DPP9: variants seen among roughly 807,000 people sequenced by gnomAD.
DPP9 encodes dipeptidyl peptidase 9.
A neutral mutation model predicts 110.7 loss-of-function variants in DPP9; 50 were observed. The ratio of observed to expected loss-of-function variants is 0.45; its 90% CI spans 0.36 to 0.57. DPP9 has a LOEUF of 0.57. Ranked by LOEUF, DPP9 falls within the 20% of genes least tolerant of loss-of-function variation. The pLI is 0.00. For synonymous variants in DPP9, 561 were observed against 514.4 expected (o/e 1.09, Z -1.23); for missense variants, 1,022 against 1,217.9 (o/e 0.84, Z 2.39).
intron 1 of DPP9, 133 bp downstream of exon 1, chr19:4,723,541 C>T (rs111302448): frequency 0.014 from 2,225 of 153,874 alleles, 31 homozygotes; most frequent in Middle Eastern, 0.026. Flanking sequence ...GACCCACAGA[C>T]GGGTGCATGG....
chr19:4,695,210 C>G lies in DPP9; in HGVS notation c.1353+168G>C. On this transcript the variant is annotated intron_variant, in intron 12 of 21. Coordinates refer to ENST00000262960, the MANE Select transcript of DPP9 (RefSeq NM_139159.5). The surrounding 1 kb of genome is among the most constrained non-coding windows in gnomAD (Gnocchi z 4.7). Reference sequence around the variant, plus strand: ...AATGGCTGCCAGACTCACCAACCCCCCTAGACCCTCTTCCCTGCCAGCCAG... The same window carrying G: ...AATGGCTGCCAGACTCACCAACCCCGCTAGACCCTCTTCCCTGCCAGCCAG... 2.8e-6 allele frequency: 2 copies of G among 704,356 alleles called. No homozygotes were observed. Among genetic ancestry groups the G allele is most frequent in the South Asian group, 2.0e-5 (1 of 50,630 alleles). 43.6% of individuals were successfully genotyped at this position (704,356 alleles called of 1,614,324 possible).
rs931362671 is a variant in DPP9, at chr19:4,698,796, T to G, written c.1075-1145A>C. ...AGCAAAACCCCAGCCTGGAAGGAGGTTTCACGTGCATCACTGGCAAAGCCA... is the reference window on the plus strand; with the variant it reads ...AGCAAAACCCCAGCCTGGAAGGAGGGTTCACGTGCATCACTGGCAAAGCCA... On this transcript the variant is annotated intron_variant, in intron 10 of 21. Transcript: ENST00000262960. The surrounding 1 kb of genome is among the most constrained non-coding windows in gnomAD (Gnocchi z 4.2). 6.6e-6 allele frequency among the ~76,000 whole-genome samples: 1 copy of G among 150,770 alleles called. No homozygotes were observed. Among genetic ancestry groups the G allele is most frequent in the South Asian group, 2.1e-4 (1 of 4,708 alleles).
In DPP9 at chr19:4,685,136, G is replaced by A. The variant is rs1327862881; in HGVS notation, c.2032-327C>T. ...GGTGGGGCCATCTGGGCACTGCGGG[G>A]TGCTGAGAAGCCACTCCAGGCCAGG... is the stretch of plus-strand genomic sequence containing the variant. On this transcript the variant is annotated intron_variant, in intron 17 of 21. Transcript: ENST00000262960. The surrounding 1 kb of genome is among the most constrained non-coding windows in gnomAD (Gnocchi z 5.8). 3 of 567,158 alleles carry A rather than the reference G, an allele frequency of 5.3e-6. No homozygotes were observed. Among genetic ancestry groups the A allele is most frequent in the South Asian group, 1.5e-5 (1 of 65,558 alleles). The allele number at this position is 567,158 out of a possible 1,614,324, so 35.1% of individuals were successfully genotyped here. A position where few individuals can be genotyped will look rare whatever the true frequency, so the allele number is the denominator to read the frequency against.
In DPP9 at chr19:4,687,663, C is replaced by T. The variant is rs2090899972; in HGVS notation, c.1885+1094G>A. Among the ~76,000 whole-genome samples, 1 of 151,008 alleles carries T rather than the reference C, an allele frequency of 6.6e-6. No individual in the cohort carries two copies. On this transcript the variant is annotated intron_variant, in intron 16 of 21. Coordinates refer to ENST00000262960, the MANE Select transcript of DPP9 (RefSeq NM_139159.5). The surrounding 1 kb of genome is among the most constrained non-coding windows in gnomAD (Gnocchi z 4.7). ...TGGGCACAGGACACCATAAAGGGCC[C>T]TCTGCATGCCGCTGTGGCCAGGACT...
In DPP9 at chr19:4,676,785, G is replaced by C. The variant is rs916735173; in HGVS notation, c.2587-129C>G. 5 of 723,074 alleles carry C rather than the reference G, an allele frequency of 6.9e-6. No homozygotes were observed. The African/African-American group carries it at 8.7e-5, about 13-fold the overall frequency. 44.8% of individuals were successfully genotyped at this position (723,074 alleles called of 1,614,324 possible). A position where few individuals can be genotyped will look rare whatever the true frequency, so the allele number is the denominator to read the frequency against. ...CTCTGAGGCCCAGTGATCTGGGTTT[G>C]AATCCCACCTCGGCTGTTGACTTGC... On this transcript the variant is annotated intron_variant, in intron 21 of 21. Coordinates refer to ENST00000262960, the MANE Select transcript of DPP9 (RefSeq NM_139159.5). This position sits in a 1 kb window ranked among gnomAD's most constrained non-coding sequence, Gnocchi z 4.0.
chr19:4,692,637 C>T (rs2091428965), intron 13 of DPP9, among the ~76,000 whole-genome samples: 1 of 152,144 alleles, frequency 6.6e-6, no homozygotes, highest in South Asian at 2.1e-4. Flanking sequence ...GGGGGCACTG[C>T]AGCAGCCTGG....
At chr19:4,702,496 G>A in intron 8 of DPP9, 107 bp downstream of exon 8, 1 of 835,226 alleles carries the variant, frequency 1.2e-6, no homozygotes, top group Non-Finnish European at 1.9e-6. Flanking sequence ...TTGACAGACT[G>A]TGGAGGTGGT....
rs769306505 is a variant in DPP9, at chr19:4,682,663, G to A, written c.2474+33C>T. 33 of 1,603,356 alleles carry A rather than the reference G, an allele frequency of 2.1e-5. No individual in the cohort carries two copies. The highest frequency in any genetic ancestry group is 1.9e-4 in the African/African-American group (14 of 74,724). On this transcript the variant is annotated intron_variant, in intron 20 of 21. Transcript: ENST00000262960. The surrounding 1 kb of genome is among the most constrained non-coding windows in gnomAD (Gnocchi z 7.1). ...GGTGCCGGGGTGCAGGAGAAGCCCC[G>A]GGGAGGAGCGCAGGGCAGGGCAGTG...
intron 4 of DPP9, among the ~76,000 whole-genome samples, chr19:4,709,014 T>A (rs2092712132): frequency 6.6e-6 from 1 of 152,212 alleles, no homozygotes; most frequent in Non-Finnish European, 1.5e-5. Context: ...ACCTCCTGGG[T>A]TCATGCGACT....
rs1316544828 is a variant in DPP9, at chr19:4,679,817, C to G, written c.2586+18G>C. On this transcript the variant is annotated intron_variant, in intron 21 of 21. Transcript: ENST00000262960. The stretch of plus-strand genomic sequence containing the variant: ...CTGTCGGCTCGCGGAGGGGCCGAAG[C>G]CCCCAACAGCCACCCACCTGGAGCT... 1 of 1,570,738 alleles carries G rather than the reference C, an allele frequency of 6.4e-7. No homozygotes were observed. The highest frequency in any genetic ancestry group is 1.4e-5 in the African/African-American group (1 of 73,930).
At chr19:4,720,977 C>A (rs949928922) in intron 2 of DPP9, among the ~76,000 whole-genome samples, 1 of 152,198 alleles carries the variant, frequency 6.6e-6, no homozygotes, top group African/African-American at 2.4e-5. Context: ...CCTCCTGGGA[C>A]CTTAGTAGGG....
Position 4,698,322 on chromosome 19 carries a change from G to T in DPP9, c.1075-671C>A, listed in dbSNP as rs995463731. Among the ~76,000 whole-genome samples, 3 of 152,228 alleles carry T rather than the reference G, an allele frequency of 2.0e-5. No homozygotes were observed. The highest frequency in any genetic ancestry group is 1.3e-4 in the Admixed American group (2 of 15,276). On this transcript the variant is annotated intron_variant, in intron 10 of 21. Coordinates refer to ENST00000262960, the MANE Select transcript of DPP9 (RefSeq NM_139159.5). The surrounding 1 kb of genome is among the most constrained non-coding windows in gnomAD (Gnocchi z 4.2). ...CAGCATCTCTGGAGGATCAAAGGGAGAAACGGCAGCAGGGCCTCCAGCTCT... is the reference window on the plus strand; with the variant it reads ...CAGCATCTCTGGAGGATCAAAGGGATAAACGGCAGCAGGGCCTCCAGCTCT...
chr19:4,705,174 ATTG>A (rs763843730), intron 5 of DPP9, among the ~76,000 whole-genome samples: 1 of 152,042 alleles, frequency 6.6e-6, no homozygotes, highest in Non-Finnish European at 1.5e-5. Flanking sequence ...TTATTGTTAC[ATTG>A]TTATGTTTAT....
At chr19:4,716,660 A>C (rs578260589) in intron 3 of DPP9, among the ~76,000 whole-genome samples, 2 of 152,070 alleles carry the variant, frequency 1.3e-5, no homozygotes, top group South Asian at 4.2e-4. Flanking sequence ...AAAAAAAAGA[A>C]AGAAAGATCA....
chr19:4,682,805 T>C lies in DPP9; in HGVS notation c.2365A>G (p.Met789Val), dbSNP rs775930904. The change falls in exon 20 of 22, where the codon ATG becomes GTG. Residue 789 changes from methionine to valine, a missense_variant. Met to Val is a conservative substitution (Grantham distance 21). This residue lies in a region of DPP9 where 209 missense variants were observed against 280.4 expected (regional missense o/e 0.75). Coordinates refer to ENST00000262960, the MANE Select transcript of DPP9 (RefSeq NM_139159.5). This position sits in a 1 kb window ranked among gnomAD's most constrained non-coding sequence, Gnocchi z 7.1. ...AIAGAPVTVW[M>V]AYDTGYTERY... ...TCAGTGTACCCTGTGTCGTAGGCCA[T>C]CCAGACGGTGACCGGGGCACCCGCG... 1.3e-6 allele frequency: 2 copies of C among 1,595,054 alleles called. No homozygotes were observed. The highest frequency in any genetic ancestry group is 1.3e-5 in the African/African-American group (1 of 74,650).
chr19:4,682,884 C>G lies in DPP9; in HGVS notation c.2332-46G>C, dbSNP rs1373902342. The G allele has an allele frequency of 1.9e-6, 3 of 1,550,612 alleles. No homozygotes were observed. The East Asian group carries it at 7.3e-5, about 38-fold the overall frequency. On this transcript the variant is annotated intron_variant, in intron 19 of 21. Transcript: ENST00000262960. This position sits in a 1 kb window ranked among gnomAD's most constrained non-coding sequence, Gnocchi z 7.1. ...ATGGGGGCAGAGAGAGAGAGAGAAACAGGCGTCGGGTCCTACAGCCAGCAT... is the reference window on the plus strand; with the variant it reads ...ATGGGGGCAGAGAGAGAGAGAGAAAGAGGCGTCGGGTCCTACAGCCAGCAT...
In DPP9 at chr19:4,695,445, G is replaced by A. The variant is rs1288438070; in HGVS notation, c.1286C>T (p.Ala429Val). 6.3e-7 allele frequency: 1 copy of A among 1,591,864 alleles called. No individual in the cohort carries two copies. The highest frequency in any genetic ancestry group is 8.5e-7 in the Non-Finnish European group (1 of 1,169,816). The part of the protein sequence containing the change: ...TENEEQRLAS[A>V]RAVPRNVQPY... ...CTGGACATTCCTGGGGACAGCTCTG[G>A]CAGAGGCTAGCCGCTGCTCCTCATT... The change falls in exon 12 of 22, where the codon GCC (alanine) becomes GTC (valine). Residue 429 changes from alanine (A) to valine (V), a missense_variant. Transcript: ENST00000262960. The surrounding 1 kb of genome is among the most constrained non-coding windows in gnomAD (Gnocchi z 4.7).
intron 13 of DPP9, among the ~76,000 whole-genome samples, chr19:4,691,631 A>G (rs2091325882): frequency 1.4e-5 from 2 of 146,384 alleles, no homozygotes; most frequent in Non-Finnish European, 3.0e-5. Context: ...AACTGGGCCC[A>G]TGACCTCTTA....
chr19:4,699,398 A>G (rs2092070201), intron 10 of DPP9, among the ~76,000 whole-genome samples: 1 of 151,978 alleles, frequency 6.6e-6, no homozygotes, highest in African/African-American at 2.4e-5. Flanking sequence ...ACATGATGTT[A>G]CTTAACTTCC....
Sources: gnomAD v4.1 joint callset for allele counts (sites outside exome capture counted in the v4.1 genomes callset) on GRCh38, gnomAD v4.1.1 for gene constraint, gnomAD v4.1.1 regional missense constraint, Gnocchi (gnomAD v3.1) non-coding constraint, MANE v1.5 for transcripts, NCBI Gene and HGNC (gene_info 2026-07-23, HGNC 2026-07-21) for gene names.